The following ST8SIA2 variants were observed in gnomAD, a reference collection of about 807,000 sequenced individuals.
ST8SIA2 encodes alpha-2,8-sialyltransferase 8B.
A neutral mutation model predicts 37.6 loss-of-function variants in ST8SIA2; 22 were observed. The observed-to-expected ratio is 0.58, with a 90% CI of 0.42 to 0.83. The LOEUF is 0.83. Ranked by LOEUF, ST8SIA2 falls within the 40% of genes least tolerant of loss-of-function variation. The pLI, the probability that ST8SIA2 is intolerant of heterozygous loss-of-function variation, is 0.00. For missense variants in ST8SIA2, 382 were observed against 484.7 expected (o/e 0.79, Z 1.99); for synonymous variants, 205 against 201.2 (o/e 1.02, Z -0.16).
intron 1 of ST8SIA2, among the ~76,000 whole-genome samples, chr15:92,395,263 C>A (rs1273282092): frequency 1.3e-5 from 2 of 152,258 alleles, no homozygotes; most frequent in African/African-American, 4.8e-5. Context: ...CTCTGCCAGG[C>A]GCTCTTCTCG....
chr15:92,439,717 C>T (rs1449448566), intron 4 of ST8SIA2, among the ~76,000 whole-genome samples: 2 of 152,198 alleles, frequency 1.3e-5, no homozygotes, highest in African/African-American at 4.8e-5. Context: ...CCAGGTCTGT[C>T]TGGGCCTGGC....
At chr15:92,455,608 A>G (rs796603431) in intron 5 of ST8SIA2, among the ~76,000 whole-genome samples, 1 of 152,088 alleles carries the variant, frequency 6.6e-6, no homozygotes, top group Non-Finnish European at 1.5e-5. Context: ...ACACCACCTC[A>G]TTCTCCTTCA....
chr15:92,444,610 G>T, intron 4 of ST8SIA2, 26 bp from the exon 5 acceptor site: 6 of 1,614,182 alleles, frequency 3.7e-6, no homozygotes, highest in Non-Finnish European at 5.1e-6. Context: ...TTCCCAAAAG[G>T]ATCATGTTGC....
chr15:92,434,433 AAT>A, intron 3 of ST8SIA2, 58 bp downstream of exon 3: 1 of 1,612,430 alleles, frequency 6.2e-7, no homozygotes, highest in Non-Finnish European at 8.5e-7. Flanking sequence ...TACACGGGCA[AAT>A]TGCTTCTCTT....
At chr15:92,414,905 T>C (rs938301364) in intron 1 of ST8SIA2, among the ~76,000 whole-genome samples, 1 of 152,160 alleles carries the variant, frequency 6.6e-6, no homozygotes, top group Non-Finnish European at 1.5e-5. Context: ...CCTGAACACA[T>C]ATTTGGGCTT....
intron 5 of ST8SIA2, among the ~76,000 whole-genome samples, chr15:92,455,365 A>G (rs2049912738): frequency 6.6e-6 from 1 of 152,020 alleles, no homozygotes; most frequent in Non-Finnish European, 1.5e-5. Context: ...CTCTCTCTCC[A>G]ATTTTTTTTT....
intron 5 of ST8SIA2, among the ~76,000 whole-genome samples, chr15:92,452,486 A>G (rs2141845395): frequency 6.6e-6 from 1 of 152,352 alleles, no homozygotes; most frequent in South Asian, 2.1e-4. Context: ...GGGACAGGCA[A>G]TCTCTGTCCC....
intron 1 of ST8SIA2, among the ~76,000 whole-genome samples, chr15:92,426,789 C>CA (rs1159011240): frequency 7.2e-5 from 11 of 152,126 alleles, no homozygotes; most frequent in Admixed American, 3.3e-4. Context: ...GTTCTTAACA[C>CA]AAAAAATGGT....
intron 1 of ST8SIA2, among the ~76,000 whole-genome samples, chr15:92,395,582 T>C (rs2049425028): frequency 6.6e-6 from 1 of 152,238 alleles, no homozygotes; most frequent in Admixed American, 6.5e-5. Flanking sequence ...CTTTCACAAA[T>C]GCTGCGCAGT....
chr15:92,446,269 T>A (rs2049842204), intron 5 of ST8SIA2, among the ~76,000 whole-genome samples: 1 of 152,216 alleles, frequency 6.6e-6, no homozygotes, highest in Non-Finnish European at 1.5e-5. Context: ...TGGGCTAGAT[T>A]GGGCTTCCTC....
chr15:92,430,246 C>A, intron 2 of ST8SIA2, 135 bp downstream of exon 2: 1 of 906,710 alleles, frequency 1.1e-6, no homozygotes. Flanking sequence ...TTGCATTTCC[C>A]TAATCACTTT....
intron 4 of ST8SIA2, among the ~76,000 whole-genome samples, chr15:92,439,951 C>CG (rs914930227): frequency 8.7e-5 from 13 of 149,092 alleles, no homozygotes; most frequent in African/African-American, 7.4e-5. Context: ...CCGGGGGAGG[C>CG]GGGGGGGTGG....
intron 2 of ST8SIA2, among the ~76,000 whole-genome samples, chr15:92,432,482 T>A: frequency 6.6e-6 from 1 of 152,302 alleles, no homozygotes; most frequent in East Asian, 1.9e-4. Flanking sequence ...ACACCTTGTT[T>A]CTATAAATGG....
Position 92,467,035 on chromosome 15 carries a change from T to G in ST8SIA2, c.*2650T>G, listed in dbSNP as rs1596254331. 6.6e-6 allele frequency: 1 copy of G among 152,634 alleles called. No individual in the cohort carries two copies. The highest frequency in any genetic ancestry group is 1.5e-5 in the Non-Finnish European group (1 of 68,458). 9.5% of individuals were successfully genotyped at this position (152,634 alleles called of 1,614,324 possible). On this transcript the variant is annotated 3_prime_UTR_variant, in exon 6 of 6. Coordinates refer to ENST00000268164, the MANE Select transcript of ST8SIA2 (RefSeq NM_006011.4). ...GCCTCCACCCTCAGCCAGCCCTCAC[T>G]GCTGACAGGCACCCCTCTGTCACCT...
intron 1 of ST8SIA2, among the ~76,000 whole-genome samples, chr15:92,425,708 C>T (rs75067788): frequency 1.1e-4 from 16 of 152,160 alleles, no homozygotes; most frequent in African/African-American, 3.6e-4. Context: ...GGGGCCAGAG[C>T]GGGTCTAGGA....
At chr15:92,432,242 C>T (rs1305578584) in intron 2 of ST8SIA2, among the ~76,000 whole-genome samples, 8 of 152,170 alleles carry the variant, frequency 5.3e-5, no homozygotes, top group African/African-American at 1.9e-4. Context: ...TTCTGTTGTG[C>T]GTGCCTACTG....
At chr15:92,405,618 T>A (rs2049503063) in intron 1 of ST8SIA2, among the ~76,000 whole-genome samples, 1 of 152,170 alleles carries the variant, frequency 6.6e-6, no homozygotes, top group African/African-American at 2.4e-5. Context: ...ATGTGGGTAT[T>A]ACTTAATTTT....
intron 4 of ST8SIA2, among the ~76,000 whole-genome samples, chr15:92,439,588 C>T (rs908730597): frequency 2.0e-5 from 3 of 152,226 alleles, no homozygotes; most frequent in Admixed American, 6.5e-5. Flanking sequence ...TTTGGGAAGC[C>T]GCCCTATTGT....
chr15:92,438,249 G>C (rs938409419), intron 3 of ST8SIA2, 104 bp from the exon 4 acceptor site: 39 of 1,529,058 alleles, frequency 2.6e-5, no homozygotes, highest in Non-Finnish European at 3.3e-5. Flanking sequence ...CGTGTTTGCT[G>C]GGCTGCAGCC....
Sources: allele counts gnomAD v4.1 joint callset (sites outside exome capture counted in the v4.1 genomes callset), GRCh38; gene constraint gnomAD v4.1.1; transcripts MANE v1.5; gene names NCBI Gene and HGNC (gene_info 2026-07-23, HGNC 2026-07-21).